Variants in STXBP5 observed in about 807,000 individuals in gnomAD.
STXBP5 encodes the protein syntaxin binding protein 5.
In STXBP5, 50 loss-of-function variants were observed where a neutral mutation model predicts 152.4. The ratio of observed to expected loss-of-function variants is 0.33; its 90% CI spans 0.26 to 0.42. The LOEUF (loss-of-function observed/expected upper bound fraction) is 0.42. STXBP5 is among the 10% of genes least tolerant of loss of function. The pLI is 1.00. For missense variants in STXBP5, 1,167 were observed against 1,388.6 expected, an observed-to-expected ratio of 0.84 and a Z score of 2.54; for synonymous variants, 492 against 494.7, an observed-to-expected ratio of 0.99 and a Z score of 0.07.
intron 4 of STXBP5, among the ~76,000 whole-genome samples, chr6:147,254,039 CTA>C (rs1292934701): frequency 4.6e-5 from 7 of 152,180 alleles, no homozygotes; most frequent in Admixed American, 3.3e-4. Context: ...TGACTTCAAA[CTA>C]TTCTACAAGG....
At chr6:147,229,022 T>G (rs911625898) in intron 2 of STXBP5, among the ~76,000 whole-genome samples, 2 of 152,092 alleles carry the variant, frequency 1.3e-5, no homozygotes, top group Admixed American at 1.3e-4. Context: ...ATACGTCTTG[T>G]TTTTAAATCG....
intron 9 of STXBP5, among the ~76,000 whole-genome samples, chr6:147,296,221 A>G (rs1464413756): frequency 6.6e-6 from 1 of 151,970 alleles, no homozygotes; most frequent in African/African-American, 2.4e-5. Flanking sequence ...TGCCTTCAGT[A>G]GGAAAAAAAA....
chr6:147,238,093 CTT>C (rs1778366844), intron 3 of STXBP5, among the ~76,000 whole-genome samples: 1 of 152,114 alleles, frequency 6.6e-6, no homozygotes. Flanking sequence ...TGCTCTGTGT[CTT>C]TGGCCATTTT....
intron 23 of STXBP5, among the ~76,000 whole-genome samples, chr6:147,363,041 A>G (rs1785134693): frequency 6.6e-6 from 1 of 152,194 alleles, no homozygotes; most frequent in Non-Finnish European, 1.5e-5. Flanking sequence ...ATACTCCAGC[A>G]TGTCGTTTGT....
intron 15 of STXBP5, among the ~76,000 whole-genome samples, 200 bp from the exon 16 acceptor site, chr6:147,316,029 C>T (rs982063118): frequency 6.6e-6 from 1 of 151,996 alleles, no homozygotes; most frequent in Non-Finnish European, 1.5e-5. Context: ...TCATAATGCA[C>T]GTTTGTGTGT....
intron 8 of STXBP5, among the ~76,000 whole-genome samples, chr6:147,281,159 C>T (rs992234154): frequency 6.6e-5 from 10 of 152,266 alleles, no homozygotes; most frequent in Middle Eastern, 3.4e-3. Flanking sequence ...CAGGTTCAAG[C>T]GATTCTCCTG....
At chr6:147,205,371 C>CATATATAT (rs66619063) in intron 1 of STXBP5, among the ~76,000 whole-genome samples, 1,866 of 141,780 alleles carry the variant, frequency 0.013, 26 homozygotes, top group African/African-American at 0.027. Flanking sequence ...TAAAAGTGTG[C>CATATATAT]ATATATATAT....
At chr6:147,346,601 A>G (rs1241591910) in intron 21 of STXBP5, among the ~76,000 whole-genome samples, 4 of 152,010 alleles carry the variant, frequency 2.6e-5, no homozygotes, top group Non-Finnish European at 5.9e-5. Flanking sequence ...TTAGCCAGGC[A>G]TGGTGGCGGG....
chr6:147,267,753 C>T (rs939300770), intron 7 of STXBP5, among the ~76,000 whole-genome samples: 5 of 151,816 alleles, frequency 3.3e-5, no homozygotes, highest in African/African-American at 7.3e-5. Flanking sequence ...GATCAAATGC[C>T]GGTTTATTTT....
chr6:147,330,279 A>C (rs1047156323), intron 18 of STXBP5, among the ~76,000 whole-genome samples: 1 of 152,094 alleles, frequency 6.6e-6, no homozygotes, highest in Non-Finnish European at 1.5e-5. Flanking sequence ...AAAACTACTA[A>C]TGATTGTGTG....
At chr6:147,257,968 T>A (rs1779455328) in intron 4 of STXBP5, among the ~76,000 whole-genome samples, 1 of 152,208 alleles carries the variant, frequency 6.6e-6, no homozygotes, top group Admixed American at 6.5e-5. Flanking sequence ...TAGCTTGCCT[T>A]ACTCGTATGT....
Position 147,225,179 on chromosome 6 carries a change from C to A in STXBP5, c.249-10071C>A, listed in dbSNP as rs553817619. Among the ~76,000 whole-genome samples the A allele has an allele frequency of 4.6e-5, 7 of 152,096 alleles. No homozygotes were observed. The South Asian group carries it at 1.5e-3, about 32-fold the overall frequency. On this transcript the variant is annotated intron_variant, in intron 2 of 27. Coordinates refer to ENST00000321680, the MANE Select transcript of STXBP5 (RefSeq NM_001127715.4). ...ACTGTGGTAAGAAGGAACAGTTTTCCCTTAAATTTTTTCTTGGTTTAGTAG... is the reference window on the plus strand; with the variant it reads ...ACTGTGGTAAGAAGGAACAGTTTTCACTTAAATTTTTTCTTGGTTTAGTAG...
chr6:147,366,438 ACAAT>A (rs1042551347), intron 25 of STXBP5, among the ~76,000 whole-genome samples: 6 of 152,220 alleles, frequency 3.9e-5, no homozygotes, highest in Admixed American at 2.6e-4. Flanking sequence ...CCAGAAGTCC[ACAAT>A]CAGTTTTACT....
intron 5 of STXBP5, among the ~76,000 whole-genome samples, chr6:147,261,532 G>C (rs914186727): frequency 2.0e-5 from 3 of 152,010 alleles, no homozygotes; most frequent in African/African-American, 7.2e-5. Flanking sequence ...TTGAGATAAG[G>C]ATAATTCTGT....
At chr6:147,303,866 G>T (rs1781952902) in intron 9 of STXBP5, among the ~76,000 whole-genome samples, 2 of 152,160 alleles carry the variant, frequency 1.3e-5, no homozygotes, top group African/African-American at 4.8e-5. Context: ...AAAGAGACTG[G>T]TGGCTTTTTG....
intron 2 of STXBP5, among the ~76,000 whole-genome samples, chr6:147,208,507 A>G (rs1412762421): frequency 6.6e-6 from 1 of 152,088 alleles, no homozygotes; most frequent in African/African-American, 2.4e-5. Flanking sequence ...GTATATTTTG[A>G]CTTGGATCTT....
Position 147,385,592 on chromosome 6 carries a change from C to T in STXBP5, c.*837C>T, listed in dbSNP as rs1023031928. 1 of 151,980 alleles carries T rather than the reference C, an allele frequency of 6.6e-6. No homozygotes were observed. The highest frequency in any genetic ancestry group is 6.6e-5 in the Admixed American group (1 of 15,214). 9.4% of individuals were successfully genotyped at this position (151,980 alleles called of 1,614,324 possible). On this transcript the variant is annotated 3_prime_UTR_variant, in exon 28 of 28. Transcript: ENST00000321680. ...TCCCTTGTCCTTGTTCTCATTAATT[C>T]AGCTAAAGGTGGATTTGACCAAAAT... is the stretch of plus-strand genomic sequence containing the variant.
chr6:147,333,210 G>T (rs1166129292), intron 18 of STXBP5, among the ~76,000 whole-genome samples: 1 of 152,196 alleles, frequency 6.6e-6, no homozygotes, highest in East Asian at 1.9e-4. Flanking sequence ...TTAGTTTGAT[G>T]AAGATTTTTT....
intron 5 of STXBP5, among the ~76,000 whole-genome samples, chr6:147,261,366 A>AT (rs1339430600): frequency 5.9e-5 from 9 of 151,962 alleles, no homozygotes; most frequent in Non-Finnish European, 8.8e-5. Context: ...TCTGTCTTAA[A>AT]TTTTTTGTAT....
Sources: gnomAD v4.1 joint callset for allele counts (sites outside exome capture counted in the v4.1 genomes callset) on GRCh38, gnomAD v4.1.1 for gene constraint, MANE v1.5 for transcripts, NCBI Gene and HGNC (gene_info 2026-07-23, HGNC 2026-07-21) for gene names.